CNTD1: variants seen among roughly 807,000 people sequenced by gnomAD.
The protein encoded by CNTD1 is cyclin N-terminal domain-containing protein 1.
Under a neutral mutation model 36.3 loss-of-function variants are expected in CNTD1, and 17 were observed. The ratio of observed to expected loss-of-function variants is 0.47; its 90% CI spans 0.32 to 0.70. The LOEUF (loss-of-function observed/expected upper bound fraction) is 0.70, where lower values mean the gene tolerates loss of function less well. CNTD1 is among the 30% of genes least tolerant of loss of function. The pLI is 0.03. For missense variants in CNTD1, 338 were observed against 386.1 expected, an observed-to-expected ratio of 0.88 and a Z score of 1.04; for synonymous variants, 128 against 153.3, an observed-to-expected ratio of 0.83 and a Z score of 1.22.
chr17:42,800,056 G>A (rs1473693484), intron 1 of CNTD1, among the ~76,000 whole-genome samples: 1 of 139,922 alleles, frequency 7.1e-6, no homozygotes, highest in Non-Finnish European at 1.5e-5. Flanking sequence ...GGGTGACAGA[G>A]CGAGACTCTG....
At chr17:42,808,767 G>T (rs2054929655) in intron 6 of CNTD1, among the ~76,000 whole-genome samples, 1 of 150,580 alleles carries the variant, frequency 6.6e-6, no homozygotes, top group African/African-American at 2.4e-5. Flanking sequence ...AACAACAAAG[G>T]CCAGGCAGGG....
In CNTD1 at chr17:42,811,531, T is replaced by C. The variant is rs2144145986; in HGVS notation, c.*1996T>C. The C allele has an allele frequency of 2.3e-6, 3 of 1,279,192 alleles. No homozygotes were observed. Among genetic ancestry groups the C allele is most frequent in the East Asian group, 4.7e-5 (2 of 42,366 alleles). The allele number at this position is 1,279,192 out of a possible 1,614,324, so 79.2% of individuals were successfully genotyped here. On this transcript the variant is annotated 3_prime_UTR_variant, in exon 7 of 7. Coordinates refer to ENST00000588408, the MANE Select transcript of CNTD1 (RefSeq NM_173478.3). ...GGTCAGTCTCTGCCCATCAATGTCA[T>C]GTGATTCTGTGCCATTTTTTTGCTT... is the stretch of plus-strand genomic sequence containing the variant.
chr17:42,803,578 G>A lies in CNTD1; in HGVS notation c.170-42G>A, dbSNP rs1349748511. ...GCCAAGAGTTCACAGAGTGGTTTTGGTTGCATCTTGTGAATTAGGCTCTTT... is the reference window on the plus strand; with the variant it reads ...GCCAAGAGTTCACAGAGTGGTTTTGATTGCATCTTGTGAATTAGGCTCTTT... On this transcript the variant is annotated intron_variant, in intron 1 of 6. Transcript: ENST00000588408. 4 of 1,537,686 alleles carry A rather than the reference G, an allele frequency of 2.6e-6. No homozygotes were observed. The South Asian group carries it at 4.5e-5, about 17-fold the overall frequency.
At chr17:42,801,947 T>A (rs1294510046) in intron 1 of CNTD1, among the ~76,000 whole-genome samples, 1 of 152,058 alleles carries the variant, frequency 6.6e-6, no homozygotes, top group Non-Finnish European at 1.5e-5. Context: ...TTTAGGGATA[T>A]CAACAGAACT....
At position 42,811,078 on chromosome 17, in the gene CNTD1, AGCC is replaced by A; in HGVS notation, c.*1544_*1546del. ...ATAGTGTATTTTGGATTTGCTTGAAAGCCAAAAATCAAGAAGACTGTCACAAGA... is the reference window on the plus strand; with the variant it reads ...ATAGTGTATTTTGGATTTGCTTGAAAAAAAATCAAGAAGACTGTCACAAGA... On this transcript the variant is annotated 3_prime_UTR_variant, in exon 7 of 7. Transcript: ENST00000588408. 1.2e-6 allele frequency: 1 copy of A among 802,984 alleles called. No individual in the cohort carries two copies. The highest frequency in any genetic ancestry group is 1.8e-6 in the Non-Finnish European group (1 of 547,492). The allele number at this position is 802,984 out of a possible 1,614,324, so 49.7% of individuals were successfully genotyped here. A position where few individuals can be genotyped will look rare whatever the true frequency, so the allele number is the denominator to read the frequency against.
rs2054839020 is a variant in CNTD1, at chr17:42,804,203, A to T, written c.246-22A>T. On this transcript the variant is annotated intron_variant, in intron 2 of 6. Coordinates refer to ENST00000588408, the MANE Select transcript of CNTD1 (RefSeq NM_173478.3). ...TAGTTTGTGTGAGTGAGGATTGTTT[A>T]CTCTCCCTCCCTTCCCTACAGGTTT... 3 of 1,599,306 alleles carry T rather than the reference A, an allele frequency of 1.9e-6. No homozygotes were observed. In the African/African-American group the frequency reaches 4.1e-5, roughly 22 times the overall value.
At chr17:42,801,511 ATAT>A (rs1346730110) in intron 1 of CNTD1, among the ~76,000 whole-genome samples, 2,260 of 60,176 alleles carry the variant, frequency 0.038, 63 homozygotes, top group South Asian at 0.071. Context: ...AAAAAAAAAA[ATAT>A]ATATATATAT....
At chr17:42,806,625 G>T in intron 4 of CNTD1, 49 bp from the exon 5 acceptor site, 1 of 1,575,182 alleles carries the variant, frequency 6.3e-7, no homozygotes. Flanking sequence ...GTTATGATCA[G>T]AGAAGACATG....
In CNTD1 at chr17:42,800,069, TAAAAAAAAAAAA is replaced by T. The variant is rs769118587; in HGVS notation, c.169+843_169+854del. On this transcript the variant is annotated intron_variant, in intron 1 of 6. Coordinates refer to ENST00000588408, the MANE Select transcript of CNTD1 (RefSeq NM_173478.3). Reference sequence around the variant, plus strand: ...ACGGGTGACAGAGCGAGACTCTGTCTAAAAAAAAAAAAAAAAAAAAAGAGAAAAGAAAGATGA... The same window carrying T: ...ACGGGTGACAGAGCGAGACTCTGTCTAAAAAAAAAGAGAAAAGAAAGATGA... 1.9e-4 allele frequency among the ~76,000 whole-genome samples: 12 copies of T among 63,960 alleles called. No individual in the cohort carries two copies. In the East Asian group the frequency reaches 3.4e-3, roughly 18 times the overall value. The allele number at this position is 63,960 out of a possible 152,430, so 42.0% of individuals were successfully genotyped here.
In CNTD1 at chr17:42,798,867, T is replaced by C; in HGVS notation, c.-201T>C. 2 of 1,439,122 alleles carry C rather than the reference T, an allele frequency of 1.4e-6. No individual in the cohort carries two copies. The highest frequency in any genetic ancestry group is 1.8e-6 in the Non-Finnish European group (2 of 1,101,934). 89.1% of individuals were successfully genotyped at this position (1,439,122 alleles called of 1,614,324 possible). ...ACGTGCTTTCTGATTGGCTGAGGAGTCCGTGGCCGTTGGGGCGGGAAAAAG... is the reference window on the plus strand; with the variant it reads ...ACGTGCTTTCTGATTGGCTGAGGAGCCCGTGGCCGTTGGGGCGGGAAAAAG... On this transcript the variant is annotated 5_prime_UTR_variant, in exon 1 of 7. Transcript: ENST00000588408.
chr17:42,799,199 GGGGCGGCTGGGCCGCTTCA>G lies in CNTD1; in HGVS notation c.136_154del (p.Arg46SerfsTer21), dbSNP rs1215793142. The G allele has an allele frequency of 6.2e-7, 1 of 1,613,862 alleles. No homozygotes were observed. The highest frequency in any genetic ancestry group is 8.5e-7 in the Non-Finnish European group (1 of 1,179,964). On this transcript the variant is annotated frameshift_variant, in exon 1 of 7. Transcript: ENST00000588408. LOFTEE classifies it high-confidence loss of function. ...ATGAGCAAGCAGTGAGGGAGGCTTC[GGGGCGGCTGGGCCGCTTCA>G]GGGAGCCCCAGATCGTGGGTGCGGC...
At chr17:42,804,086 G>A in intron 2 of CNTD1, 139 bp from the exon 3 acceptor site, 1 of 697,794 alleles carries the variant, frequency 1.4e-6, no homozygotes, top group Non-Finnish European at 2.3e-6. Flanking sequence ...TCATCTGCCT[G>A]CCTTGGCCTC....
At position 42,810,599 on chromosome 17, in the gene CNTD1, T is replaced by C. The variant is rs2054975417; in HGVS notation, c.*1064T>C. 5 of 710,962 alleles carry C rather than the reference T, an allele frequency of 7.0e-6. No individual in the cohort carries two copies. Among genetic ancestry groups the C allele is most frequent in the Non-Finnish European group, 1.1e-5 (5 of 473,062 alleles). The allele number at this position is 710,962 out of a possible 1,614,324, so 44.0% of individuals were successfully genotyped here. A position where few individuals can be genotyped will look rare whatever the true frequency, so the allele number is the denominator to read the frequency against. On this transcript the variant is annotated 3_prime_UTR_variant, in exon 7 of 7. Coordinates refer to ENST00000588408, the MANE Select transcript of CNTD1 (RefSeq NM_173478.3). ...GCATGTTGTAGCTCTGGAAAGTATC[T>C]GTCACATGATATTTTAAAATAAAGT...
intron 1 of CNTD1, among the ~76,000 whole-genome samples, chr17:42,801,510 A>T (rs541897705): frequency 0.02 from 1,052 of 53,754 alleles, 7 homozygotes; most frequent in Non-Finnish European, 0.024. Context: ...AAAAAAAAAA[A>T]ATATATATAT....
intron 1 of CNTD1, 125 bp downstream of exon 1, chr17:42,799,361 G>T: frequency 9.1e-7 from 1 of 1,099,550 alleles, no homozygotes; most frequent in Non-Finnish European, 1.3e-6. Flanking sequence ...TCTCTGTGGG[G>T]TGCTGGGGAT....
intron 1 of CNTD1, among the ~76,000 whole-genome samples, chr17:42,800,952 T>C (rs1186898919): frequency 6.6e-6 from 1 of 152,114 alleles, no homozygotes; most frequent in African/African-American, 2.4e-5. Flanking sequence ...TTTGAGAGGC[T>C]GAGGCGGGTG....
At chr17:42,804,116 G>A in intron 2 of CNTD1, 109 bp from the exon 3 acceptor site, 3 of 1,029,382 alleles carry the variant, frequency 2.9e-6, no homozygotes, top group Non-Finnish European at 4.2e-6. Context: ...TGGGATTACA[G>A]GTGTGAGCCA....
intron 5 of CNTD1, among the ~76,000 whole-genome samples, chr17:42,807,301 G>C (rs2054896610): frequency 6.6e-6 from 1 of 152,130 alleles, no homozygotes; most frequent in Non-Finnish European, 1.5e-5. Context: ...TGTAGTCCCA[G>C]CTACTTGGGA....
intron 4 of CNTD1, among the ~76,000 whole-genome samples, chr17:42,806,251 G>C (rs1239415958): frequency 6.6e-6 from 1 of 151,972 alleles, no homozygotes; most frequent in African/African-American, 2.4e-5. Context: ...ATGTGCACAG[G>C]GGTTTGGGAA....
Sources: gnomAD v4.1 joint callset for allele counts (sites outside exome capture counted in the v4.1 genomes callset) on GRCh38, gnomAD v4.1.1 for gene constraint, MANE v1.5 for transcripts, NCBI Gene and HGNC (gene_info 2026-07-23, HGNC 2026-07-21) for gene names.